The following ADCY8 variants were observed in gnomAD, a reference collection of about 807,000 sequenced individuals.
ADCY8 encodes adenylate cyclase type 8.
ADCY8 carries 51 observed loss-of-function variants against 119.7 expected under a neutral mutation model. That is an observed-to-expected ratio of 0.43 (90% CI 0.34 to 0.54). The LOEUF (loss-of-function observed/expected upper bound fraction) is 0.54, where lower values mean the gene tolerates loss of function less well. Ranked by LOEUF, ADCY8 falls within the 20% of genes least tolerant of loss-of-function variation. The pLI is 0.03. For synonymous variants in ADCY8, 665 were observed against 651.0 expected, an observed-to-expected ratio of 1.02 and a Z score of -0.33; for missense variants, 1,383 against 1,598.8, an observed-to-expected ratio of 0.87 and a Z score of 2.30.
At chr8:131,018,285 G>C (rs928686847) in intron 1 of ADCY8, among the ~76,000 whole-genome samples, 1 of 152,118 alleles carries the variant, frequency 6.6e-6, no homozygotes, top group African/African-American at 2.4e-5. Context: ...AATAATGCTC[G>C]TATTCAACTT....
chr8:131,026,380 GT>G (rs141920895), intron 1 of ADCY8, among the ~76,000 whole-genome samples: 3,261 of 151,318 alleles, frequency 0.022, 137 homozygotes, highest in African/African-American at 0.073. Context: ...AGAAATAAAT[GT>G]TTTTTTTTGT....
rs114184179 is a variant in ADCY8 at position 130,914,477 on chromosome 8, A to C, written c.1482-4611T>G. On this transcript the variant is annotated intron_variant, in intron 5 of 17. Coordinates refer to ENST00000286355, the MANE Select transcript of ADCY8 (RefSeq NM_001115.3). ...AAGACTTCACATTTTTTTACTGCAT[A>C]GCTTTTCTTTCTCTTTCATTTTGTG... Among the ~76,000 whole-genome samples, 566 of 152,324 alleles carry C rather than the reference A, an allele frequency of 3.7e-3. 6 individuals are homozygous for C. The highest frequency in any genetic ancestry group is 0.012 in the African/African-American group (509 of 41,566).
intron 6 of ADCY8, among the ~76,000 whole-genome samples, chr8:130,908,306 G>A (rs760383714): frequency 6.6e-5 from 10 of 152,228 alleles, no homozygotes; most frequent in Non-Finnish European, 8.8e-5. Context: ...AAACACAGAT[G>A]AATTGGCTAA....
intron 1 of ADCY8, among the ~76,000 whole-genome samples, chr8:131,006,085 C>T (rs1446618827): frequency 2.6e-5 from 4 of 152,042 alleles, no homozygotes; most frequent in Admixed American, 2.0e-4. Flanking sequence ...ACTACTTCCT[C>T]AGCATGCTTC....
rs752440018 is a variant in ADCY8 at position 130,849,756 on chromosome 8, G to A, written c.2258C>T (p.Ser753Leu). ...TGCTGTGGTGATGAGGACCAGAGCC[G>A]AGTGCAGCATAATCAGAATGGAGAA... ...IQFSILIMLH[S>L]ALVLITTAED... The change falls in exon 10 of 18, where the codon TCG becomes TTG. Residue 753 changes from serine to leucine, a missense_variant. Transcript: ENST00000286355. 1.7e-5 allele frequency: 27 copies of A among 1,613,562 alleles called. No homozygotes were observed. Among genetic ancestry groups the A allele is most frequent in the East Asian group, 2.2e-5 (1 of 44,800 alleles).
chr8:130,914,272 G>GA (rs1298040994), intron 5 of ADCY8, among the ~76,000 whole-genome samples: 1 of 152,168 alleles, frequency 6.6e-6, no homozygotes, highest in Non-Finnish European at 1.5e-5. Flanking sequence ...TGTGAGCCCC[G>GA]AAGGATATAA....
rs980058556 is a variant in ADCY8, at chr8:130,933,914, C to T, written c.1481+3159G>A. 1.2e-4 allele frequency among the ~76,000 whole-genome samples: 18 copies of T among 152,308 alleles called. 1 individual carries two copies. Among genetic ancestry groups the T allele is most frequent in the African/African-American group, 4.1e-4 (17 of 41,570 alleles). ...CTCTGATGTTTATGTGGCTATAAAT[C>T]ACAGATTTTCAGAACTGGTGGAGAC... On this transcript the variant is annotated intron_variant, in intron 5 of 17. Coordinates refer to ENST00000286355, the MANE Select transcript of ADCY8 (RefSeq NM_001115.3).
At position 130,960,755 on chromosome 8, in the gene ADCY8, T is replaced by C. The variant is rs1286671941; in HGVS notation, c.1111-8757A>G. On this transcript the variant is annotated intron_variant, in intron 2 of 17. Coordinates refer to ENST00000286355, the MANE Select transcript of ADCY8 (RefSeq NM_001115.3). ...CAGGGGAAAGGGGAGATTCTATCAG[T>C]GAACAAATCTGGGATGGGACAATGG... Among the ~76,000 whole-genome samples, 3 of 151,996 alleles carry C rather than the reference T, an allele frequency of 2.0e-5. No individual in the cohort carries two copies. The East Asian group carries it at 5.8e-4, about 29-fold the overall frequency.
chr8:130,962,238 T>C (rs187747220), intron 2 of ADCY8, among the ~76,000 whole-genome samples: 19 of 152,330 alleles, frequency 1.2e-4, no homozygotes, highest in Non-Finnish European at 2.1e-4. Flanking sequence ...TTCCCTCACA[T>C]TTGTTCACTG....
chr8:130,865,385 C>A (rs571942176), intron 9 of ADCY8, among the ~76,000 whole-genome samples: 156 of 151,826 alleles, frequency 1.0e-3, no homozygotes, highest in Non-Finnish European at 1.7e-3. Context: ...TTCCAAATTT[C>A]TAAGTTTTTC....
intron 2 of ADCY8, among the ~76,000 whole-genome samples, chr8:130,989,399 G>C (rs1309850132): frequency 6.6e-6 from 1 of 151,976 alleles, no homozygotes; most frequent in Non-Finnish European, 1.5e-5. Flanking sequence ...AGAAAATGTT[G>C]AGTCTTTCTC....
chr8:130,931,232 C>T (rs1820621658), intron 5 of ADCY8, among the ~76,000 whole-genome samples: 3 of 152,160 alleles, frequency 2.0e-5, no homozygotes. Context: ...GCAGGTTTCT[C>T]ATTTCCCTTC....
intron 12 of ADCY8, among the ~76,000 whole-genome samples, chr8:130,829,395 A>C (rs1163647123): frequency 6.6e-6 from 1 of 152,118 alleles, no homozygotes; most frequent in Non-Finnish European, 1.5e-5. Context: ...TCTTTGTTTT[A>C]GATTGTGAAC....
chr8:130,820,576 T>G (rs75977191), intron 13 of ADCY8, among the ~76,000 whole-genome samples: 19,153 of 152,220 alleles, frequency 0.13, 1,503 homozygotes, highest in Non-Finnish European at 0.16. Context: ...CTATGAAGAA[T>G]AATTTTCTTT....
At chr8:130,824,553 A>G (rs1241262895) in intron 12 of ADCY8, among the ~76,000 whole-genome samples, 1 of 152,226 alleles carries the variant, frequency 6.6e-6, no homozygotes, top group Non-Finnish European at 1.5e-5. Context: ...TGCAGGGCCT[A>G]GTAAAAACCC....
intron 2 of ADCY8, among the ~76,000 whole-genome samples, chr8:130,958,267 C>T (rs1821492367): frequency 6.6e-6 from 1 of 152,214 alleles, no homozygotes. Flanking sequence ...GAGAGAGTTT[C>T]AGACATTAAA....
Position 130,780,843 on chromosome 8 carries a change from G to T in ADCY8, c.3303C>A (p.Ile1101=). 6.2e-7 allele frequency: 1 copy of T among 1,614,060 alleles called. No individual in the cohort carries two copies. The highest frequency in any genetic ancestry group is 8.5e-7 in the Non-Finnish European group (1 of 1,179,958). ...ISHGSVVAGV[I]GAKKPQYDIW... is the part of the protein sequence containing the mutation. ...TGTCATACTGTGGTTTCTTAGCGCC[G>T]ATAACGCCAGCTACCACTGAGCCGT... Residue 1101 remains isoleucine, a synonymous_variant, in exon 18 of 18, where the codon ATC becomes ATA. Coordinates refer to ENST00000286355, the MANE Select transcript of ADCY8 (RefSeq NM_001115.3).
chr8:131,004,787 G>A (rs1335869502), intron 1 of ADCY8, among the ~76,000 whole-genome samples: 1 of 152,170 alleles, frequency 6.6e-6, no homozygotes, highest in Non-Finnish European at 1.5e-5. Context: ...AAAGGGCTGT[G>A]AGCCAGGCAG....
intron 8 of ADCY8, among the ~76,000 whole-genome samples, chr8:130,869,822 C>T (rs892187434): frequency 4.6e-5 from 7 of 151,880 alleles, no homozygotes; most frequent in Admixed American, 3.9e-4. Context: ...CGGCCGGCTA[C>T]TGGTTAATTT....
Sources: allele counts gnomAD v4.1 joint callset (sites outside exome capture counted in the v4.1 genomes callset), GRCh38; gene constraint gnomAD v4.1.1; transcripts MANE v1.5; gene names NCBI Gene and HGNC (gene_info 2026-07-23, HGNC 2026-07-21).